Variants in ZEB1 observed in about 807,000 individuals in gnomAD.
ZEB1 encodes the protein zinc finger E-box-binding homeobox 1.
Under a neutral mutation model 84.9 loss-of-function variants are expected in ZEB1, and 21 were observed. That is an observed-to-expected ratio of 0.25 (90% CI 0.18 to 0.36). The LOEUF (loss-of-function observed/expected upper bound fraction) is 0.36, where lower values mean the gene tolerates loss of function less well. Among genes scored for constraint, ZEB1 ranks in the 10% least tolerant of loss-of-function variants. The probability of loss-of-function intolerance (pLI) is 1.00; values close to 1 mark genes in which losing one functional copy is unlikely to be tolerated. For synonymous variants in ZEB1, 420 were observed against 471.1 expected, an observed-to-expected ratio of 0.89 and a Z score of 1.41; for missense variants, 1,104 against 1,330.2, an observed-to-expected ratio of 0.83 and a Z score of 2.65.
In ZEB1 at chr10:31,335,342, A is replaced by G. The variant is rs77687073; in HGVS notation, c.58+16050A>G. ...ATAGTATTTATAGGGCTTCCATGCT[A>G]TCCATGGTTTCAGGCATCCTCAGGG... On this transcript the variant is annotated intron_variant, in intron 1 of 8. Transcript: ENST00000424869. Among the ~76,000 whole-genome samples, 844 of 152,192 alleles carry G rather than the reference A, an allele frequency of 5.5e-3. 13 individuals carry two copies. Among genetic ancestry groups the G allele is most frequent in the African/African-American group, 0.019 (809 of 41,530 alleles).
intron 1 of ZEB1, among the ~76,000 whole-genome samples, chr10:31,354,809 T>C (rs115232872): frequency 1.3e-3 from 191 of 152,316 alleles, no homozygotes; most frequent in African/African-American, 4.4e-3. Flanking sequence ...TATAATAACT[T>C]TTTGTTTCAA....
At chr10:31,484,851 T>C (rs1189535867) in intron 2 of ZEB1, among the ~76,000 whole-genome samples, 2 of 152,004 alleles carry the variant, frequency 1.3e-5, no homozygotes, top group African/African-American at 4.8e-5. Context: ...TATAAGTTCC[T>C]TCAGAACAAC....
chr10:31,366,975 A>C (rs958561922), intron 1 of ZEB1, among the ~76,000 whole-genome samples: 1 of 152,164 alleles, frequency 6.6e-6, no homozygotes, highest in Non-Finnish European at 1.5e-5. Flanking sequence ...TCTACTCACA[A>C]ATATTTTTGT....
At chr10:31,388,468 A>G (rs560014752) in intron 1 of ZEB1, among the ~76,000 whole-genome samples, 2 of 152,144 alleles carry the variant, frequency 1.3e-5, no homozygotes, top group Non-Finnish European at 2.9e-5. Flanking sequence ...GCTGTATAAT[A>G]GAAGATATTA....
intron 1 of ZEB1, among the ~76,000 whole-genome samples, chr10:31,459,353 A>G (rs1036550483): frequency 2.0e-5 from 3 of 152,092 alleles, no homozygotes; most frequent in African/African-American, 4.8e-5. Context: ...TAAATATAAG[A>G]TAAGGTGAGG....
chr10:31,475,278 C>T (rs1305997446), intron 2 of ZEB1, among the ~76,000 whole-genome samples: 3 of 151,064 alleles, frequency 2.0e-5, no homozygotes, highest in African/African-American at 7.3e-5. Context: ...TGAACAAAGT[C>T]TTCAAGAAAT....
At position 31,439,669 on chromosome 10, in the gene ZEB1, A is replaced by G. The variant is rs181573424; in HGVS notation, c.59-21368A>G. On this transcript the variant is annotated intron_variant, in intron 1 of 8. Coordinates refer to ENST00000424869, the MANE Select transcript of ZEB1 (RefSeq NM_001174096.2). ...AAATTGAGGGAGAATAGGGAGTGCA[A>G]TGGGGGTGGGGGTGGTATTTAAATA... is the stretch of plus-strand genomic sequence containing the variant. 9.8e-4 allele frequency among the ~76,000 whole-genome samples: 143 copies of G among 145,414 alleles called. 1 individual carries two copies. Among genetic ancestry groups the G allele is most frequent in the Admixed American group, 2.6e-3 (38 of 14,638 alleles).
At chr10:31,463,983 G>A (rs1177210490) in intron 2 of ZEB1, among the ~76,000 whole-genome samples, 4 of 152,138 alleles carry the variant, frequency 2.6e-5, no homozygotes, top group South Asian at 2.1e-4. Flanking sequence ...AATGACTACT[G>A]TCTTGTTTAA....
At chr10:31,461,388 G>T (rs1021140639) in intron 2 of ZEB1, 151 bp downstream of exon 2, 1 of 777,982 alleles carries the variant, frequency 1.3e-6, no homozygotes, top group Non-Finnish European at 2.1e-6. Context: ...CTAAAAAGTG[G>T]ATTATGAAGC....
At chr10:31,354,954 G>A (rs556891463) in intron 1 of ZEB1, among the ~76,000 whole-genome samples, 4 of 152,242 alleles carry the variant, frequency 2.6e-5, no homozygotes, top group East Asian at 3.9e-4. Context: ...TCATGTCTAA[G>A]TTCACACAGA....
chr10:31,439,265 T>G (rs1424359501), intron 1 of ZEB1, among the ~76,000 whole-genome samples: 2 of 152,176 alleles, frequency 1.3e-5, no homozygotes, highest in Non-Finnish European at 2.9e-5. Flanking sequence ...CTATTAAGGT[T>G]TTTTTGTAAT....
rs1422379499 is a variant in ZEB1, at chr10:31,521,345, C to A, written c.2013C>A (p.Pro671=). ...CTCAATCTGCAAATGCAAATGAACC[C>A]CAGGACAGCACAGTAAATCTACAAA... The part of the protein sequence containing the change: ...DQPQSANANE[P]QDSTVNLQSP... The change falls in exon 7 of 9, where the codon CCC becomes CCA. Residue 671 remains proline, a synonymous_variant. Transcript: ENST00000424869. 1 of 1,614,030 alleles carries A rather than the reference C, an allele frequency of 6.2e-7. No individual in the cohort carries two copies. The highest frequency in any genetic ancestry group is 1.6e-4 in the Middle Eastern group (1 of 6,062).
At chr10:31,498,441 T>C (rs530759001) in intron 3 of ZEB1, among the ~76,000 whole-genome samples, 8 of 152,218 alleles carry the variant, frequency 5.3e-5, no homozygotes, top group Non-Finnish European at 1.2e-4. Context: ...AAAATTATGA[T>C]GTTCACCTTG....
rs967420897 is a variant in ZEB1, at chr10:31,461,177, G to A, written c.199G>A (p.Val67Met). The change falls in exon 2 of 9, where the codon GTG becomes ATG. Residue 67 changes from valine to methionine, a missense_variant. By Grantham distance (21) the Val-to-Met change is conservative. Around this residue, in one of 7 missense-constraint regions of ZEB1, gnomAD observed 162 missense variants for 184.5 expected, o/e 0.88. Coordinates refer to ENST00000424869, the MANE Select transcript of ZEB1 (RefSeq NM_001174096.2). ...GGATGACCTGCCAACAGACCAGACA[G>A]TGTTACCAGGGAGGAGCAGTGAAAG... The part of the protein sequence containing the change: ...PEDDLPTDQT[V>M]LPGRSSEREG... 1.2e-6 allele frequency: 2 copies of A among 1,613,530 alleles called. No homozygotes were observed. Among genetic ancestry groups the A allele is most frequent in the Non-Finnish European group, 1.7e-6 (2 of 1,179,710 alleles).
chr10:31,361,791 C>T (rs1347566789), intron 1 of ZEB1, among the ~76,000 whole-genome samples: 1 of 150,822 alleles, frequency 6.6e-6, no homozygotes, highest in African/African-American at 2.4e-5. Context: ...CCTCACTTCA[C>T]AGACAGGACG....
At chr10:31,362,389 C>T (rs1472205897) in intron 1 of ZEB1, among the ~76,000 whole-genome samples, 11 of 149,318 alleles carry the variant, frequency 7.4e-5, no homozygotes, top group Admixed American at 4.6e-4. Flanking sequence ...AGGCACTCCT[C>T]GCTTCCCAGA....
At chr10:31,486,545 T>G (rs964070973) in intron 2 of ZEB1, among the ~76,000 whole-genome samples, 1 of 151,524 alleles carries the variant, frequency 6.6e-6, no homozygotes, top group African/African-American at 2.4e-5. Flanking sequence ...ACACCTTTTG[T>G]GTATTTTCTT....
rs563746196 is a variant in ZEB1 at position 31,374,221 on chromosome 10, A to G, written c.58+54929A>G. ...ATTCACATAGTTTAAGTAATTTTTC[A>G]TGCCCAATTAGAGATGTCAAAATTA... On this transcript the variant is annotated intron_variant, in intron 1 of 8. Coordinates refer to ENST00000424869, the MANE Select transcript of ZEB1 (RefSeq NM_001174096.2). Among the ~76,000 whole-genome samples the G allele has an allele frequency of 2.0e-4, 30 of 152,032 alleles. No homozygotes were observed. In the East Asian group the frequency reaches 5.2e-3, roughly 26 times the overall value.
intron 1 of ZEB1, among the ~76,000 whole-genome samples, chr10:31,327,408 A>C (rs766537265): frequency 7.9e-5 from 12 of 151,990 alleles, no homozygotes; most frequent in Admixed American, 2.0e-4. Flanking sequence ...ACTGCACCTG[A>C]CATATAATTT....
Sources: allele counts gnomAD v4.1 joint callset (sites outside exome capture counted in the v4.1 genomes callset), GRCh38; gene constraint gnomAD v4.1.1; regional missense constraint gnomAD v4.1.1; transcripts MANE v1.5; gene names NCBI Gene and HGNC (gene_info 2026-07-23, HGNC 2026-07-21).